The following LRRC17 variants were observed in gnomAD, a reference collection of about 807,000 sequenced individuals.
LRRC17 encodes leucine-rich repeat-containing protein 17.
LRRC17 carries 33 observed loss-of-function variants against 41.5 expected under a neutral mutation model. The ratio of observed to expected loss-of-function variants is 0.80; its 90% CI spans 0.60 to 1.06. The LOEUF is 1.06. Ranked by LOEUF, LRRC17 falls within the 50% of genes least tolerant of loss-of-function variation. The probability of loss-of-function intolerance (pLI) is 0.00; values close to 1 mark genes in which losing one functional copy is unlikely to be tolerated. For missense variants in LRRC17, 491 were observed against 519.3 expected (o/e 0.95, Z 0.53); for synonymous variants, 192 against 197.0 (o/e 0.97, Z 0.21).
intron 1 of LRRC17, among the ~76,000 whole-genome samples, chr7:102,925,121 G>A (rs1401094844): frequency 6.6e-6 from 1 of 152,132 alleles, no homozygotes. Flanking sequence ...AGAATAATTG[G>A]GCCAGGCATG....
At chr7:102,916,700 C>T (rs1332262665) in intron 1 of LRRC17, among the ~76,000 whole-genome samples, 1 of 152,056 alleles carries the variant, frequency 6.6e-6, no homozygotes, top group African/African-American at 2.4e-5. Flanking sequence ...TTTTCCCAGC[C>T]CAGAGAACAC....
At chr7:102,933,613 A>AT (rs1005712869) in intron 1 of LRRC17, 161 bp from the exon 2 acceptor site, 5 of 201,686 alleles carry the variant, frequency 2.5e-5, no homozygotes, top group Admixed American at 2.1e-4. Context: ...GGGCACAAAC[A>AT]TTTGGCCTCT....
chr7:102,920,266 C>CAA (rs1816725175), intron 1 of LRRC17, among the ~76,000 whole-genome samples: 1 of 152,134 alleles, frequency 6.6e-6, no homozygotes, highest in Admixed American at 6.5e-5. Flanking sequence ...TCAGATTATA[C>CAA]AAGTAAACAT....
chr7:102,942,737 T>G (rs1399881227), intron 3 of LRRC17, among the ~76,000 whole-genome samples: 1 of 152,158 alleles, frequency 6.6e-6, no homozygotes, highest in South Asian at 2.1e-4. Flanking sequence ...AGTTATTTTT[T>G]TAAGGGGGAA....
intron 1 of LRRC17, among the ~76,000 whole-genome samples, chr7:102,917,722 G>T (rs142125192): frequency 4.9e-4 from 74 of 152,330 alleles, no homozygotes; most frequent in African/African-American, 1.7e-3. Flanking sequence ...ATGATAGGAA[G>T]ATTGTTCCAG....
In LRRC17 at chr7:102,944,839, G is replaced by C. The variant is rs553890783; in HGVS notation, c.*232G>C. ...ATCTGGTGATATGCAATTCCACACT[G>C]GTAACCTGCAGCAGTTGGGTCCTAA... On this transcript the variant is annotated 3_prime_UTR_variant, in exon 4 of 4. Coordinates refer to ENST00000339431, the MANE Select transcript of LRRC17 (RefSeq NM_001031692.3). 4.7e-6 allele frequency: 2 copies of C among 425,240 alleles called. No homozygotes were observed. The highest frequency in any genetic ancestry group is 8.2e-5 in the Admixed American group (2 of 24,474). 26.3% of individuals were successfully genotyped at this position (425,240 alleles called of 1,614,324 possible). A position where few individuals can be genotyped will look rare whatever the true frequency, so the allele number is the denominator to read the frequency against.
At position 102,934,278 on chromosome 7, in the gene LRRC17, G is replaced by C; in HGVS notation, c.365G>C (p.Ser122Thr). ...CAGAATGAGATCTCTAAAATTGAGA[G>C]TGAGGCGTTCTTTGGTTTAAACAAA... ...LQQNEISKIE[S>T]EAFFGLNKLT... The change falls in exon 2 of 4, where the codon AGT becomes ACT. Residue 122 changes from serine (S) to threonine (T), a missense_variant. Ser to Thr is a moderately conservative substitution (Grantham distance 58, BLOSUM62 1). Transcript: ENST00000339431. The C allele has an allele frequency of 6.2e-7, 1 of 1,614,144 alleles. No homozygotes were observed. The highest frequency in any genetic ancestry group is 8.5e-7 in the Non-Finnish European group (1 of 1,180,026).
At chr7:102,928,334 T>C (rs144072887) in intron 1 of LRRC17, among the ~76,000 whole-genome samples, 113 of 152,350 alleles carry the variant, frequency 7.4e-4, no homozygotes, top group Non-Finnish European at 1.4e-3. Flanking sequence ...AGTACCTACA[T>C]TGCAGAATGA....
intron 1 of LRRC17, 120 bp from the exon 2 acceptor site, chr7:102,933,654 T>C (rs2129473539): frequency 3.9e-6 from 1 of 255,178 alleles, no homozygotes; most frequent in East Asian, 7.9e-5. Flanking sequence ...GAAGGAGCTT[T>C]CTACGTCACT....
chr7:102,924,802 G>A (rs532232507), intron 1 of LRRC17, among the ~76,000 whole-genome samples: 4 of 151,686 alleles, frequency 2.6e-5, no homozygotes, highest in South Asian at 4.2e-4. Context: ...CACCGCACCC[G>A]GCTAATTTTT....
intron 1 of LRRC17, among the ~76,000 whole-genome samples, chr7:102,928,784 T>G (rs919468791): frequency 3.9e-5 from 6 of 152,218 alleles, no homozygotes; most frequent in African/African-American, 9.6e-5. Flanking sequence ...ACAACTTCAT[T>G]ATAATGACAG....
intron 1 of LRRC17, among the ~76,000 whole-genome samples, chr7:102,916,977 T>G (rs992762730): frequency 1.3e-5 from 2 of 152,120 alleles, no homozygotes; most frequent in Non-Finnish European, 2.9e-5. Flanking sequence ...AAGGACTTAC[T>G]ACTAAGATGA....
chr7:102,917,322 A>G (rs920158376), intron 1 of LRRC17, among the ~76,000 whole-genome samples: 2 of 152,220 alleles, frequency 1.3e-5, no homozygotes, highest in African/African-American at 4.8e-5. Context: ...CATCTATATA[A>G]AAAACAATTG....
At chr7:102,931,002 A>C (rs1384321029) in intron 1 of LRRC17, among the ~76,000 whole-genome samples, 1 of 152,204 alleles carries the variant, frequency 6.6e-6, no homozygotes, top group Non-Finnish European at 1.5e-5. Context: ...GAAGGAAGCC[A>C]AAACCCTATG....
intron 1 of LRRC17, among the ~76,000 whole-genome samples, chr7:102,913,453 C>A (rs775395092): frequency 6.6e-6 from 1 of 152,044 alleles, no homozygotes; most frequent in Non-Finnish European, 1.5e-5. Context: ...ATTAATAGTT[C>A]AATAATATTT....
intron 1 of LRRC17, among the ~76,000 whole-genome samples, chr7:102,922,733 G>A (rs1360894948): frequency 2.0e-5 from 3 of 152,164 alleles, no homozygotes; most frequent in Non-Finnish European, 2.9e-5. Context: ...AGCACTTTGG[G>A]AGGCCGAGGC....
intron 1 of LRRC17, among the ~76,000 whole-genome samples, chr7:102,931,641 A>G (rs1432935913): frequency 6.6e-6 from 1 of 152,186 alleles, no homozygotes; most frequent in Non-Finnish European, 1.5e-5. Flanking sequence ...AATACAGTTC[A>G]TTTTGGGTAG....
At chr7:102,917,339 ACTC>A (rs765873016) in intron 1 of LRRC17, among the ~76,000 whole-genome samples, 5 of 152,286 alleles carry the variant, frequency 3.3e-5, no homozygotes, top group Non-Finnish European at 5.9e-5. Flanking sequence ...ATTGGATACT[ACTC>A]CACTATAGCA....
chr7:102,923,796 G>A (rs1237263575), intron 1 of LRRC17, among the ~76,000 whole-genome samples: 1 of 151,648 alleles, frequency 6.6e-6, no homozygotes, highest in Non-Finnish European at 1.5e-5. Flanking sequence ...CTGTACTCCA[G>A]CCTGGGTGAC....
Sources: gnomAD v4.1 joint callset for allele counts (sites outside exome capture counted in the v4.1 genomes callset) on GRCh38, gnomAD v4.1.1 for gene constraint, MANE v1.5 for transcripts, NCBI Gene and HGNC (gene_info 2026-07-23, HGNC 2026-07-21) for gene names.